Variants in KCND2 observed in about 807,000 individuals in gnomAD.
KCND2 encodes potassium voltage-gated channel subfamily D member 2.
A neutral mutation model predicts 54.4 loss-of-function variants in KCND2; 16 were observed. The ratio of observed to expected loss-of-function variants is 0.29; its 90% CI spans 0.20 to 0.45. The LOEUF (loss-of-function observed/expected upper bound fraction) is 0.45. Among genes scored for constraint, KCND2 ranks in the 20% least tolerant of loss-of-function variants. The pLI, the probability that KCND2 is intolerant of heterozygous loss-of-function variation, is 1.00. For synonymous variants in KCND2, 317 were observed against 310.7 expected, an observed-to-expected ratio of 1.02 and a Z score of -0.21; for missense variants, 486 against 824.2, an observed-to-expected ratio of 0.59 and a Z score of 5.02.
At chr7:120,684,944 G>A (rs1038706235) in intron 1 of KCND2, among the ~76,000 whole-genome samples, 7 of 152,038 alleles carry the variant, frequency 4.6e-5, no homozygotes, top group Non-Finnish European at 5.9e-5. Flanking sequence ...AACAAGCTCA[G>A]GGCTCCCACT....
chr7:120,316,195 TTC>T (rs1425990668), intron 1 of KCND2, among the ~76,000 whole-genome samples: 1 of 152,196 alleles, frequency 6.6e-6, no homozygotes, highest in Non-Finnish European at 1.5e-5. Context: ...GCCTTAACAT[TTC>T]TGTCAAGAGT....
chr7:120,716,702 TC>T (rs1792607738), intron 1 of KCND2, among the ~76,000 whole-genome samples: 2 of 152,244 alleles, frequency 1.3e-5, no homozygotes, highest in Non-Finnish European at 2.9e-5. Context: ...TAGGCCCTTT[TC>T]CCTTCTTTAA....
At chr7:120,525,304 A>G (rs1480749269) in intron 1 of KCND2, among the ~76,000 whole-genome samples, 1 of 152,182 alleles carries the variant, frequency 6.6e-6, no homozygotes, top group African/African-American at 2.4e-5. Flanking sequence ...TGAGATGTTT[A>G]CATTCTAAGC....
At chr7:120,706,663 T>C (rs1792472857) in intron 1 of KCND2, among the ~76,000 whole-genome samples, 1 of 152,130 alleles carries the variant, frequency 6.6e-6, no homozygotes, top group African/African-American at 2.4e-5. Context: ...CAGAATTACA[T>C]AGAAGAGTGA....
chr7:120,638,606 A>G (rs933100397), intron 1 of KCND2, among the ~76,000 whole-genome samples: 2 of 152,032 alleles, frequency 1.3e-5, no homozygotes, highest in African/African-American at 4.8e-5. Context: ...AGCCCTAAGG[A>G]TATGTGTGAT....
Position 120,402,913 on chromosome 7 carries a change from T to C in KCND2, c.1115+127166T>C, listed in dbSNP as rs147729947. Among the ~76,000 whole-genome samples the C allele has an allele frequency of 1.4e-3, 219 of 152,320 alleles. 1 individual carries two copies. The highest frequency in any genetic ancestry group is 5.2e-3 in the African/African-American group (216 of 41,594). ...TATTACTGTTGAGTGACAGAATAGA[T>C]ATTCAATCCTTTAAGCCAAGAATGT... On this transcript the variant is annotated intron_variant, in intron 1 of 5. Coordinates refer to ENST00000331113, the MANE Select transcript of KCND2 (RefSeq NM_012281.3).
chr7:120,433,347 C>T (rs192445974), intron 1 of KCND2, among the ~76,000 whole-genome samples: 1 of 152,322 alleles, frequency 6.6e-6, no homozygotes, highest in African/African-American at 2.4e-5. Flanking sequence ...TAGAATTCTA[C>T]TCAAATATTA....
chr7:120,733,981 G>A (rs1444906159), intron 2 of KCND2, among the ~76,000 whole-genome samples: 1 of 152,002 alleles, frequency 6.6e-6, no homozygotes, highest in Non-Finnish European at 1.5e-5. Context: ...ACAAACCTTA[G>A]CCAAATTAAA....
chr7:120,417,255 A>C (rs555432908), intron 1 of KCND2, among the ~76,000 whole-genome samples: 20 of 152,316 alleles, frequency 1.3e-4, no homozygotes, highest in Non-Finnish European at 2.8e-4. Context: ...GTTATCACAG[A>C]AAATATTGTG....
intron 1 of KCND2, among the ~76,000 whole-genome samples, chr7:120,640,246 A>G (rs1468620249): frequency 6.6e-6 from 1 of 152,178 alleles, no homozygotes; most frequent in East Asian, 1.9e-4. Flanking sequence ...AAGTACTAAA[A>G]TATGTCATCA....
chr7:120,698,296 T>C (rs1792357912), intron 1 of KCND2, among the ~76,000 whole-genome samples: 1 of 152,196 alleles, frequency 6.6e-6, no homozygotes, highest in African/African-American at 2.4e-5. Context: ...AGAGCATCTA[T>C]AGCAAATTAC....
At chr7:120,310,514 T>C (rs1484540525) in intron 1 of KCND2, among the ~76,000 whole-genome samples, 1 of 152,192 alleles carries the variant, frequency 6.6e-6, no homozygotes, top group Non-Finnish European at 1.5e-5. Flanking sequence ...TGCAGAATAA[T>C]ATATTCAGAA....
intron 1 of KCND2, among the ~76,000 whole-genome samples, chr7:120,640,395 A>G (rs1239863310): frequency 1.3e-5 from 2 of 152,230 alleles, no homozygotes; most frequent in Non-Finnish European, 2.9e-5. Context: ...GTTGTGTTGC[A>G]TGAAAATACA....
chr7:120,546,559 A>G lies in KCND2; in HGVS notation c.1116-186344A>G, dbSNP rs868588505. Among the ~76,000 whole-genome samples the G allele has an allele frequency of 4.6e-5, 7 of 152,092 alleles. 1 individual carries two copies. In the Middle Eastern group the frequency reaches 0.014, roughly 296 times the overall value. ...ACTACTAAATCTTAGATGCAACACT[A>G]GAAACCATCAAGTTCTTCTGCCATA... On this transcript the variant is annotated intron_variant, in intron 1 of 5. Transcript: ENST00000331113.
intron 1 of KCND2, among the ~76,000 whole-genome samples, chr7:120,702,361 C>A (rs1478170537): frequency 6.6e-6 from 1 of 152,106 alleles, no homozygotes; most frequent in Non-Finnish European, 1.5e-5. Flanking sequence ...ATTCGTTCAA[C>A]CATTGTGGAA....
chr7:120,294,968 A>G (rs1799487843), intron 1 of KCND2, among the ~76,000 whole-genome samples: 1 of 151,814 alleles, frequency 6.6e-6, no homozygotes, highest in Non-Finnish European at 1.5e-5. Context: ...ACGTGTATCT[A>G]ACTTCATTTG....
intron 1 of KCND2, among the ~76,000 whole-genome samples, chr7:120,431,862 C>T (rs1801792667): frequency 6.6e-6 from 1 of 152,082 alleles, no homozygotes; most frequent in Non-Finnish European, 1.5e-5. Flanking sequence ...CATTTGCACG[C>T]ACACACATCC....
At chr7:120,478,764 CTA>C (rs1802564632) in intron 1 of KCND2, among the ~76,000 whole-genome samples, 1 of 152,050 alleles carries the variant, frequency 6.6e-6, no homozygotes, top group South Asian at 2.1e-4. Context: ...ATAATGTTTT[CTA>C]TCAGACTAGA....
In KCND2 at chr7:120,420,170, TTTAG is replaced by T. The variant is rs140508181; in HGVS notation, c.1115+144429_1115+144432del. 8.6e-3 allele frequency among the ~76,000 whole-genome samples: 1,303 copies of T among 152,270 alleles called. 14 individuals carry two copies. The highest frequency in any genetic ancestry group is 0.03 in the African/African-American group (1,233 of 41,554). On this transcript the variant is annotated intron_variant, in intron 1 of 5. Transcript: ENST00000331113. Reference sequence around the variant, plus strand: ...ACATGTGATTAATCTATGCAAGGCCTTTAGTTAGTGCTTAGCATAGAATATTTAC... The same window carrying T: ...ACATGTGATTAATCTATGCAAGGCCTTTAGTGCTTAGCATAGAATATTTAC...
Sources: gnomAD v4.1 joint callset for allele counts (sites outside exome capture counted in the v4.1 genomes callset) on GRCh38, gnomAD v4.1.1 for gene constraint, MANE v1.5 for transcripts, NCBI Gene and HGNC (gene_info 2026-07-23, HGNC 2026-07-21) for gene names.